Variants in RAVER1 observed in about 807,000 individuals in gnomAD.
The protein encoded by RAVER1 is ribonucleoprotein, PTB binding 1, also known as ribonucleoprotein PTB-binding 1.
Under a neutral mutation model 68.4 loss-of-function variants are expected in RAVER1, and 36 were observed. The ratio of observed to expected loss-of-function variants is 0.53; its 90% CI spans 0.40 to 0.70. RAVER1 has a LOEUF of 0.70. Among genes scored for constraint, RAVER1 ranks in the 30% least tolerant of loss-of-function variants. RAVER1 has a pLI of 0.00. For synonymous variants in RAVER1, 469 were observed against 472.7 expected (o/e 0.99, Z 0.10); for missense variants, 933 against 1,019.8 (o/e 0.91, Z 1.16).
intron 7 of RAVER1, 121 bp from the exon 8 acceptor site, chr19:10,321,380 G>A: frequency 1.2e-6 from 1 of 802,220 alleles, no homozygotes. Context: ...TGGCCACTGA[G>A]CAGAGCTCAT....
Position 10,321,237 on chromosome 19 carries a change from C to T in RAVER1, c.1284G>A (p.Leu428=). Residue 428 remains leucine, a synonymous_variant, in exon 8 of 13, where the codon CTG becomes CTA. Transcript: ENST00000617231. ...LPAGGGLPPE[L]PPRRGKPPPL... ...GTGGTGGCTTCCCTCGCCGGGGCGG[C>T]AGCTCCGGGGGCAGGCCCCCTCCTA... 1 of 1,275,034 alleles carries T rather than the reference C, an allele frequency of 7.8e-7. No homozygotes were observed. The highest frequency in any genetic ancestry group is 9.9e-7 in the Non-Finnish European group (1 of 1,007,832). 79.0% of individuals were successfully genotyped at this position (1,275,034 alleles called of 1,614,324 possible).
At chr19:10,319,377 G>A in intron 9 of RAVER1, 137 bp from the exon 10 acceptor site, 1 of 804,544 alleles carries the variant, frequency 1.2e-6, no homozygotes. Context: ...TTTGGGGCTG[G>A]ATGCAGCTTG....
At chr19:10,319,061 AAC>A in intron 10 of RAVER1, 103 bp downstream of exon 10, 3 of 1,083,372 alleles carry the variant, frequency 2.8e-6, no homozygotes, top group Non-Finnish European at 4.1e-6. Context: ...ACCCACAAAG[AAC>A]ACACAAAATA....
Position 10,322,377 on chromosome 19 carries a change from G to A in RAVER1, c.1173+268C>T, listed in dbSNP as rs145534701. 3.8e-3 allele frequency: 1,717 copies of A among 450,618 alleles called. 75 individuals carry two copies. The Admixed American group carries it at 0.068, about 18-fold the overall frequency. The allele number at this position is 450,618 out of a possible 1,614,324, so 27.9% of individuals were successfully genotyped here. ...ACCCAGTTTCAGGCTGTAAATGGGC[G>A]TGTCCAGGTCCCCTGACCCCACCCC... On this transcript the variant is annotated intron_variant, in intron 6 of 12. Transcript: ENST00000617231. The surrounding 1 kb of genome is among the most constrained non-coding windows in gnomAD (Gnocchi z 4.3).
Position 10,322,635 on chromosome 19 carries a change from CGT to C in RAVER1, c.1173+8_1173+9del, listed in dbSNP as rs749225831. On this transcript the variant is annotated splice_region_variant and intron_variant, in intron 6 of 12. Coordinates refer to ENST00000617231, the MANE Select transcript of RAVER1 (RefSeq NM_133452.3). The surrounding 1 kb of genome is among the most constrained non-coding windows in gnomAD (Gnocchi z 4.3). ...TGTAGAGCAGTGGGTGAGGGGGATG[CGT>C]GTGTTACCTTCTGGCCCTGGGTCTG... The C allele has an allele frequency of 8.5e-6, 13 of 1,523,210 alleles. No individual in the cohort carries two copies. In the African/African-American group the frequency reaches 1.0e-4, roughly 12 times the overall value. The allele number at this position is 1,523,210 out of a possible 1,614,324, so 94.4% of individuals were successfully genotyped here.
At chr19:10,324,847 C>T (rs1486907060) in intron 3 of RAVER1, among the ~76,000 whole-genome samples, 7 of 152,164 alleles carry the variant, frequency 4.6e-5, no homozygotes, top group African/African-American at 1.7e-4. Context: ...GTGGGCTCCT[C>T]GGAGGACATC....
At chr19:10,320,146 C>G (rs1005499910) in intron 9 of RAVER1, among the ~76,000 whole-genome samples, 1 of 151,934 alleles carries the variant, frequency 6.6e-6, no homozygotes, top group African/African-American at 2.4e-5. Context: ...CTCCAGGGCT[C>G]GAGAATGGAC....
chr19:10,318,583 C>T (rs2145065185), intron 10 of RAVER1, among the ~76,000 whole-genome samples: 1 of 152,312 alleles, frequency 6.6e-6, no homozygotes, highest in Non-Finnish European at 1.5e-5. Flanking sequence ...TGGTCTCACA[C>T]TCACGACCTC....
intron 3 of RAVER1, among the ~76,000 whole-genome samples, chr19:10,325,828 G>A (rs1047459305): frequency 1.3e-5 from 2 of 152,026 alleles, no homozygotes; most frequent in Admixed American, 6.6e-5. Context: ...GAATGTTCGA[G>A]TGGAGGAATG....
In RAVER1 at chr19:10,333,161, G is replaced by A; in HGVS notation, c.219+128C>T. On this transcript the variant is annotated intron_variant, in intron 1 of 12. Coordinates refer to ENST00000617231, the MANE Select transcript of RAVER1 (RefSeq NM_133452.3). The surrounding 1 kb of genome is among the most constrained non-coding windows in gnomAD (Gnocchi z 4.2). ...CGCTCTTGGTCTCTCCCGATCCCGC[G>A]TGGATCCGGTGCTTGGGCGCCCCCG... is the stretch of plus-strand genomic sequence containing the variant. 1 of 888,882 alleles carries A rather than the reference G, an allele frequency of 1.1e-6. No individual in the cohort carries two copies. The highest frequency in any genetic ancestry group is 1.8e-5 in the South Asian group (1 of 56,904). The allele number at this position is 888,882 out of a possible 1,614,324, so 55.1% of individuals were successfully genotyped here.
At chr19:10,324,350 A>G (rs1302824223) in intron 3 of RAVER1, among the ~76,000 whole-genome samples, 2 of 152,042 alleles carry the variant, frequency 1.3e-5, no homozygotes, top group African/African-American at 2.4e-5. Context: ...AGGTCTGGGC[A>G]CAGATCTCCC....
In RAVER1 at chr19:10,328,599, C is replaced by G; in HGVS notation, c.756+43G>C. On this transcript the variant is annotated intron_variant, in intron 3 of 12. Transcript: ENST00000617231. The surrounding 1 kb of genome is among the most constrained non-coding windows in gnomAD (Gnocchi z 4.4). The stretch of plus-strand genomic sequence containing the variant: ...GACTCCAAAGACTCTCTCAGGTGCT[C>G]CGGGCCTGGCACCTGCTCCCCAATG... 7.3e-7 allele frequency: 1 copy of G among 1,360,906 alleles called. No homozygotes were observed. Among genetic ancestry groups the G allele is most frequent in the Non-Finnish European group, 1.0e-6 (1 of 989,312 alleles). 84.3% of individuals were successfully genotyped at this position (1,360,906 alleles called of 1,614,324 possible).
rs1048192863 is a variant in RAVER1 at position 10,316,584 on chromosome 19, G to T, written c.*870C>A. 1 of 986,964 alleles carries T rather than the reference G, an allele frequency of 1.0e-6. No homozygotes were observed. Among genetic ancestry groups the T allele is most frequent in the Non-Finnish European group, 1.2e-6 (1 of 830,608 alleles). 61.1% of individuals were successfully genotyped at this position (986,964 alleles called of 1,614,324 possible). The stretch of plus-strand genomic sequence containing the variant: ...CGACTCCCACAGACAGACAGCAGGG[G>T]ACTGGCAGAGAAAGCCCATCTCTGC... On this transcript the variant is annotated 3_prime_UTR_variant, in exon 13 of 13. Coordinates refer to ENST00000617231, the MANE Select transcript of RAVER1 (RefSeq NM_133452.3).
chr19:10,333,209 G>A lies in RAVER1; in HGVS notation c.219+80C>T. 7.2e-7 allele frequency: 1 copy of A among 1,394,550 alleles called. No individual in the cohort carries two copies. Among genetic ancestry groups the A allele is most frequent in the Non-Finnish European group, 9.8e-7 (1 of 1,025,432 alleles). The allele number at this position is 1,394,550 out of a possible 1,614,324, so 86.4% of individuals were successfully genotyped here. A position where few individuals can be genotyped will look rare whatever the true frequency, so the allele number is the denominator to read the frequency against. ...CCGCCAACGACCCCCGCGCACCTCA[G>A]CGTTGGTGTCGCCCGGTTCCCCCCG... On this transcript the variant is annotated intron_variant, in intron 1 of 12. Coordinates refer to ENST00000617231, the MANE Select transcript of RAVER1 (RefSeq NM_133452.3). This position sits in a 1 kb window ranked among gnomAD's most constrained non-coding sequence, Gnocchi z 4.2.
chr19:10,331,684 CAAAAA>C (rs61614587), intron 1 of RAVER1, among the ~76,000 whole-genome samples: 2 of 73,314 alleles, frequency 2.7e-5, no homozygotes, highest in African/African-American at 1.2e-4. Flanking sequence ...GACTCCGTCT[CAAAAA>C]AAAAAAAAAA....
rs759672865 is a variant in RAVER1 at position 10,317,422 on chromosome 19, C to T, written c.*32G>A. The T allele has an allele frequency of 1.2e-6, 2 of 1,610,628 alleles. No homozygotes were observed. Among genetic ancestry groups the T allele is most frequent in the South Asian group, 1.1e-5 (1 of 90,932 alleles). ...CAGAAAACCCAAAAGCGATTTGGTG[C>T]AGGCCCTTGAGTTATCTCTGGTGCC... On this transcript the variant is annotated 3_prime_UTR_variant, in exon 13 of 13. Coordinates refer to ENST00000617231, the MANE Select transcript of RAVER1 (RefSeq NM_133452.3). The surrounding 1 kb of genome is among the most constrained non-coding windows in gnomAD (Gnocchi z 4.3).
intron 9 of RAVER1, 50 bp downstream of exon 9, chr19:10,320,605 T>G: frequency 3.4e-6 from 5 of 1,477,034 alleles, no homozygotes; most frequent in Non-Finnish European, 4.5e-6. Context: ...AATATCAGTT[T>G]GGAGAATGAT....
rs200606790 is a variant in RAVER1 at position 10,320,668 on chromosome 19, A to G, written c.1757T>C (p.Phe586Ser). The G allele has an allele frequency of 2.9e-4, 452 of 1,554,232 alleles. 2 individuals carry two copies. The highest frequency in any genetic ancestry group is 6.2e-5 in the Non-Finnish European group (72 of 1,154,036). Residue 586 changes from phenylalanine (F) to serine (S), a missense_variant, in exon 9 of 13, where the codon TTC (phenylalanine) becomes TCC (serine). Around this residue, in one of 3 missense-constraint regions of RAVER1, gnomAD observed 699 missense variants for 731.1 expected, o/e 0.96. Coordinates refer to ENST00000617231, the MANE Select transcript of RAVER1 (RefSeq NM_133452.3). ...PEPGLSDSYS[F>S]DYPSDMGPRR... is the part of the protein sequence containing the mutation. The stretch of plus-strand genomic sequence containing the variant: ...CCAGGCACTCACCGAGGGGTAGTCG[A>G]AGCTGTAGCTGTCAGACAGTCCTGG...
rs777938066 is a variant in RAVER1 at position 10,317,811 on chromosome 19, G to A, written c.1990-38C>T. The A allele has an allele frequency of 1.6e-6, 2 of 1,271,104 alleles. No homozygotes were observed. Among genetic ancestry groups the A allele is most frequent in the African/African-American group, 1.5e-5 (1 of 67,998 alleles). 78.7% of individuals were successfully genotyped at this position (1,271,104 alleles called of 1,614,324 possible). A position where few individuals can be genotyped will look rare whatever the true frequency, so the allele number is the denominator to read the frequency against. On this transcript the variant is annotated intron_variant, in intron 11 of 12. Transcript: ENST00000617231. The surrounding 1 kb of genome is among the most constrained non-coding windows in gnomAD (Gnocchi z 4.3). Reference sequence around the variant, plus strand: ...GAGAGGTGGAACAGGTCACTCCCTGGGGGCCAGAGGAAGCACCCACCCCGC... The same window carrying A: ...GAGAGGTGGAACAGGTCACTCCCTGAGGGCCAGAGGAAGCACCCACCCCGC...
Sources: allele counts gnomAD v4.1 joint callset (sites outside exome capture counted in the v4.1 genomes callset), GRCh38; gene constraint gnomAD v4.1.1; regional missense constraint gnomAD v4.1.1; non-coding constraint Gnocchi (gnomAD v3.1); transcripts MANE v1.5; gene names NCBI Gene and HGNC (gene_info 2026-07-23, HGNC 2026-07-21).